BRD4: variants seen among roughly 807,000 people sequenced by gnomAD.
BRD4 encodes bromodomain-containing protein 4.
Under a neutral mutation model 142.1 loss-of-function variants are expected in BRD4, and 16 were observed. The ratio of observed to expected loss-of-function variants is 0.11; its 90% CI spans 0.08 to 0.17. The LOEUF is 0.17. Ranked by LOEUF, BRD4 falls within the 10% of genes least tolerant of loss-of-function variation. BRD4 has a pLI of 1.00. For synonymous variants in BRD4, 833 were observed against 707.5 expected, an observed-to-expected ratio of 1.18 and a Z score of -2.82; for missense variants, 1,424 against 1,810.9, an observed-to-expected ratio of 0.79 and a Z score of 3.88.
rs1225585522 is a variant in BRD4 at position 15,240,029 on chromosome 19, G to A, written c.3170-7C>T. On this transcript the variant is annotated splice_polypyrimidine_tract_variant and splice_region_variant and intron_variant, in intron 14 of 19. Coordinates refer to ENST00000679869, the MANE Select transcript of BRD4 (RefSeq NM_001379291.1). ...GGGGCTTCGCGGAGGTGACCTAGGA[G>A]AAGGGACAAGGAATGTGTCAAGGGG... 6.2e-7 allele frequency: 1 copy of A among 1,606,538 alleles called. No homozygotes were observed. Among genetic ancestry groups the A allele is most frequent in the Non-Finnish European group, 8.5e-7 (1 of 1,176,476 alleles).
At chr19:15,280,555 C>G (rs908418065) in intron 1 of BRD4, 1 of 634,948 alleles carries the variant, frequency 1.6e-6, no homozygotes, top group Non-Finnish European at 2.0e-6. Flanking sequence ...CTAAAACATA[C>G]CACTGTGCTG....
rs1483781735 is a variant in BRD4 at position 15,265,419 on chromosome 19, C to T, written c.784G>A (p.Ala262Thr). Residue 262 changes from alanine (A) to threonine (T), a missense_variant, in exon 5 of 20, where the codon GCT becomes ACT. Physicochemically the swap from Ala to Thr is moderately conservative, Grantham distance 58. Transcript: ENST00000679869. ...PVPPQPQPPP[A>T]PAPQPVQSHP... ...CTCTGTACGGGCTGGGGAGCTGGAGCGGGTGGGGGTTGTGGCTGGGGGGGC... is the reference window on the plus strand; with the variant it reads ...CTCTGTACGGGCTGGGGAGCTGGAGTGGGTGGGGGTTGTGGCTGGGGGGGC... The T allele has an allele frequency of 2.3e-5, 21 of 920,924 alleles. No individual in the cohort carries two copies. Among genetic ancestry groups the T allele is most frequent in the South Asian group, 7.3e-5 (5 of 68,656 alleles). The allele number at this position is 920,924 out of a possible 1,614,324, so 57.0% of individuals were successfully genotyped here.
intron 5 of BRD4, 51 bp downstream of exon 5, chr19:15,265,303 G>C (rs756853550): frequency 3.1e-5 from 45 of 1,443,684 alleles, no homozygotes; most frequent in Non-Finnish European, 4.1e-5. Context: ...GGCAAGGACA[G>C]GGCCGCTCTC....
chr19:15,250,716 C>T (rs1388948214), intron 11 of BRD4, among the ~76,000 whole-genome samples: 1 of 152,192 alleles, frequency 6.6e-6, no homozygotes, highest in East Asian at 1.9e-4. Flanking sequence ...CACTTCTGCT[C>T]ACAAAGACCT....
chr19:15,279,481 G>A (rs555499986), intron 1 of BRD4, among the ~76,000 whole-genome samples: 32 of 152,216 alleles, frequency 2.1e-4, no homozygotes, highest in African/African-American at 7.5e-4. Flanking sequence ...TCCATCGCCC[G>A]TCCCAATTAG....
At chr19:15,251,983 G>A (rs2047352732) in intron 11 of BRD4, among the ~76,000 whole-genome samples, 1 of 152,260 alleles carries the variant, frequency 6.6e-6, no homozygotes, top group Non-Finnish European at 1.5e-5. Context: ...CTCTGAGACT[G>A]TAAATCTCGC....
At chr19:15,317,554 T>C (rs1452603191) in intron 1 of BRD4, among the ~76,000 whole-genome samples, 3 of 152,174 alleles carry the variant, frequency 2.0e-5, no homozygotes, top group African/African-American at 7.2e-5. Flanking sequence ...CCCTGAACTT[T>C]TCAGAGTCAA....
intron 1 of BRD4, among the ~76,000 whole-genome samples, chr19:15,312,795 C>T (rs1003523446): frequency 2.6e-5 from 4 of 151,876 alleles, no homozygotes; most frequent in Non-Finnish European, 4.4e-5. Flanking sequence ...ATTAGCCGGG[C>T]GTGGGGGCGC....
intron 2 of BRD4, among the ~76,000 whole-genome samples, chr19:15,269,366 A>C (rs926278334): frequency 2.0e-5 from 3 of 152,186 alleles, no homozygotes; most frequent in Non-Finnish European, 4.4e-5. Flanking sequence ...ACTTTTAATA[A>C]ATAAGGGGGA....
intron 1 of BRD4, among the ~76,000 whole-genome samples, chr19:15,305,970 C>T (rs887970372): frequency 5.9e-5 from 9 of 152,196 alleles, no homozygotes; most frequent in African/African-American, 2.2e-4. Flanking sequence ...ATGAACCAAC[C>T]TCTGCTGGCT....
chr19:15,313,159 CAGG>C (rs2047987257), intron 1 of BRD4, among the ~76,000 whole-genome samples: 1 of 149,826 alleles, frequency 6.7e-6, no homozygotes, highest in African/African-American at 2.5e-5. Context: ...ATCACGAGGT[CAGG>C]AGATCGAGAC....
rs1413638473 is a variant in BRD4 at position 15,244,586 on chromosome 19, GTGGTGATGA to G, written c.2217_2225del (p.His741_His743del). 1 of 1,610,700 alleles carries G rather than the reference GTGGTGATGA, an allele frequency of 6.2e-7. No homozygotes were observed. The highest frequency in any genetic ancestry group is 8.5e-7 in the Non-Finnish European group (1 of 1,179,846). On this transcript the variant is annotated inframe_deletion, in exon 13 of 20. Coordinates refer to ENST00000679869, the MANE Select transcript of BRD4 (RefSeq NM_001379291.1). ...CCGGGGCCTGCTGCATCTGCTGATG[GTGGTGATGA>G]TGGTGCTGCAGACAGAGAGACAGAC...
At chr19:15,330,968 AC>A (rs2048151776) in intron 1 of BRD4, among the ~76,000 whole-genome samples, 1 of 152,114 alleles carries the variant, frequency 6.6e-6, no homozygotes, top group Non-Finnish European at 1.5e-5. Flanking sequence ...TACGAGGTAA[AC>A]TGCGACTTGG....
chr19:15,254,784 G>A (rs116609696), intron 10 of BRD4, among the ~76,000 whole-genome samples: 1 of 152,256 alleles, frequency 6.6e-6, no homozygotes, highest in African/African-American at 2.4e-5. Flanking sequence ...CAAAGACTGT[G>A]TGCAATGCCC....
At chr19:15,254,044 T>C in intron 11 of BRD4, 108 bp downstream of exon 11, 4 of 928,014 alleles carry the variant, frequency 4.3e-6, no homozygotes, top group Non-Finnish European at 6.8e-6. Flanking sequence ...CCCAGCAAGT[T>C]CTGGGAGTGC....
At chr19:15,289,407 C>T (rs924361914) in intron 1 of BRD4, among the ~76,000 whole-genome samples, 9 of 151,992 alleles carry the variant, frequency 5.9e-5, no homozygotes, top group Non-Finnish European at 1.0e-4. Flanking sequence ...TAAAATTGGC[C>T]GGGCATGGTG....
chr19:15,254,278 T>C lies in BRD4; in HGVS notation c.2048-16A>G, dbSNP rs199557103. 2.6e-4 allele frequency: 420 copies of C among 1,608,510 alleles called. No homozygotes were observed. In the Middle Eastern group the frequency reaches 4.8e-3, roughly 18 times the overall value. On this transcript the variant is annotated splice_polypyrimidine_tract_variant and intron_variant, in intron 10 of 19. Coordinates refer to ENST00000679869, the MANE Select transcript of BRD4 (RefSeq NM_001379291.1). The stretch of plus-strand genomic sequence containing the variant: ...ACTTTCTCAGCTGCAATCCAAGCAA[T>C]GGGAGCTGGTCAGGCAGGGCTGTGG...
At chr19:15,298,921 G>A (rs900728661) in intron 1 of BRD4, among the ~76,000 whole-genome samples, 2 of 152,102 alleles carry the variant, frequency 1.3e-5, no homozygotes, top group African/African-American at 2.4e-5. Flanking sequence ...CTGGCATTTG[G>A]GTAACTGCTG....
At chr19:15,328,896 C>A (rs939992859) in intron 1 of BRD4, among the ~76,000 whole-genome samples, 5 of 152,330 alleles carry the variant, frequency 3.3e-5, no homozygotes, top group Middle Eastern at 6.8e-3. Flanking sequence ...GCCTCAGCCT[C>A]CCGAGTAGCT....
Sources: allele counts gnomAD v4.1 joint callset (sites outside exome capture counted in the v4.1 genomes callset), GRCh38; gene constraint gnomAD v4.1.1; transcripts MANE v1.5; gene names NCBI Gene and HGNC (gene_info 2026-07-23, HGNC 2026-07-21).